The following DPY19L2 variants were observed in gnomAD, a reference collection of about 807,000 sequenced individuals.
DPY19L2 encodes dpy-19 like 2.
DPY19L2 carries 34 observed loss-of-function variants against 97.9 expected under a neutral mutation model. That is an observed-to-expected ratio of 0.35 (90% CI 0.26 to 0.46). DPY19L2 has a LOEUF of 0.46. Among genes scored for constraint, DPY19L2 ranks in the 20% least tolerant of loss-of-function variants. DPY19L2 has a pLI of 1.00. For missense variants in DPY19L2, 623 were observed against 911.4 expected (o/e 0.68, Z 4.07); for synonymous variants, 230 against 307.9 (o/e 0.75, Z 2.65).
chr12:63,568,391 C>T (rs942309453), intron 21 of DPY19L2, among the ~76,000 whole-genome samples: 4 of 151,918 alleles, frequency 2.6e-5, no homozygotes, highest in African/African-American at 7.2e-5. Flanking sequence ...CTCATGGATA[C>T]CATGTTTTCT....
Position 63,668,437 on chromosome 12 carries a change from C to A in DPY19L2, c.-44G>T, listed in dbSNP as rs573439910. On this transcript the variant is annotated 5_prime_UTR_variant, in exon 1 of 22. Transcript: ENST00000324472. ...AGCTGGGTCAATTTCAGGCACAGCC[C>A]AGCCGAGTCAGGCGAGGTCCAGAGA... 6.6e-7 allele frequency: 1 copy of A among 1,517,616 alleles called. No individual in the cohort carries two copies. The highest frequency in any genetic ancestry group is 1.4e-5 in the African/African-American group (1 of 72,828). 94.0% of individuals were successfully genotyped at this position (1,517,616 alleles called of 1,614,324 possible). A position where few individuals can be genotyped will look rare whatever the true frequency, so the allele number is the denominator to read the frequency against.
intron 2 of DPY19L2, among the ~76,000 whole-genome samples, chr12:63,664,861 T>C (rs7980949): frequency 0.37 from 55,799 of 151,798 alleles, 10,892 homozygotes; most frequent in East Asian, 0.72. Flanking sequence ...AGGAATATTC[T>C]CTACCATTGC....
chr12:63,580,839 G>A lies in DPY19L2; in HGVS notation c.1726-3C>T, dbSNP rs1260965391. Reference sequence around the variant, plus strand: ...CTGCGAAAAAGCCAGCCAAAGAGCTGAAACGAAAGAAACCGTTTATTTCTA... The same window carrying A: ...CTGCGAAAAAGCCAGCCAAAGAGCTAAAACGAAAGAAACCGTTTATTTCTA... On this transcript the variant is annotated splice_polypyrimidine_tract_variant and splice_region_variant and intron_variant, in intron 18 of 21. Coordinates refer to ENST00000324472, the MANE Select transcript of DPY19L2 (RefSeq NM_173812.5). 3.7e-6 allele frequency: 6 copies of A among 1,609,598 alleles called. No homozygotes were observed. Among genetic ancestry groups the A allele is most frequent in the Non-Finnish European group, 5.1e-6 (6 of 1,178,474 alleles).
At position 63,596,057 on chromosome 12, in the gene DPY19L2, T is replaced by C. The variant is rs1369592232; in HGVS notation, c.1462-20A>G. On this transcript the variant is annotated intron_variant, in intron 14 of 21. Transcript: ENST00000324472. ...CGGAGTCTGAAATATACCAAATTAT[T>C]CAAAATGGTTACTTACAATTTTTAC... is the stretch of plus-strand genomic sequence containing the variant. 2 of 1,580,712 alleles carry C rather than the reference T, an allele frequency of 1.3e-6. No individual in the cohort carries two copies. Among genetic ancestry groups the C allele is most frequent in the East Asian group, 4.6e-5 (2 of 43,330 alleles).
At chr12:63,662,848 GAT>G (rs1180876786) in intron 3 of DPY19L2, among the ~76,000 whole-genome samples, 1 of 152,122 alleles carries the variant, frequency 6.6e-6, no homozygotes, top group African/African-American at 2.4e-5. Context: ...GCAATATAGG[GAT>G]GAAAATTAAA....
chr12:63,634,031 G>A (rs758525828), intron 6 of DPY19L2, among the ~76,000 whole-genome samples: 2 of 151,696 alleles, frequency 1.3e-5, no homozygotes, highest in Non-Finnish European at 2.9e-5. Context: ...CATGGACACA[G>A]GAAGGGGAAC....
chr12:63,620,558 A>G (rs571747635), intron 9 of DPY19L2, among the ~76,000 whole-genome samples: 68 of 152,326 alleles, frequency 4.5e-4, no homozygotes, highest in African/African-American at 1.6e-3. Flanking sequence ...TAACCAATAC[A>G]GTAAAAGAAT....
chr12:63,623,935 C>G, intron 8 of DPY19L2, 105 bp downstream of exon 8: 2 of 818,982 alleles, frequency 2.4e-6, no homozygotes, highest in South Asian at 1.5e-5. Context: ...AACTCCTGAC[C>G]TCAAGTGATC....
At chr12:63,574,048 T>TA (rs1879373022) in intron 19 of DPY19L2, among the ~76,000 whole-genome samples, 1 of 151,986 alleles carries the variant, frequency 6.6e-6, no homozygotes. Context: ...GTCATTATGG[T>TA]ATATAAACTA....
chr12:63,650,091 C>T (rs2138186465), intron 4 of DPY19L2, among the ~76,000 whole-genome samples: 1 of 152,174 alleles, frequency 6.6e-6, no homozygotes, highest in South Asian at 2.1e-4. Context: ...TAAATAGATG[C>T]AGAAAAGACT....
intron 16 of DPY19L2, among the ~76,000 whole-genome samples, chr12:63,591,957 A>AGGGG (rs1325982148): frequency 9.3e-6 from 1 of 107,428 alleles, no homozygotes; most frequent in African/African-American, 4.0e-5. Flanking sequence ...AAAAGAAAAG[A>AGGGG]AAAGAAAAGA....
intron 7 of DPY19L2, among the ~76,000 whole-genome samples, chr12:63,624,405 G>C (rs972447463): frequency 2.0e-5 from 3 of 152,016 alleles, no homozygotes; most frequent in African/African-American, 7.2e-5. Context: ...TATAAGAGTT[G>C]TGAAAATTCT....
chr12:63,598,947 C>T (rs1215903370), intron 13 of DPY19L2, among the ~76,000 whole-genome samples: 8 of 151,074 alleles, frequency 5.3e-5, no homozygotes, highest in South Asian at 2.1e-4. Flanking sequence ...CCCAGGCAGG[C>T]GGATCACTTG....
chr12:63,666,534 T>C (rs1896360700), intron 1 of DPY19L2: 1 of 446,976 alleles, frequency 2.2e-6, no homozygotes, highest in Non-Finnish European at 4.5e-6. Flanking sequence ...CTGTGCCCGT[T>C]TGGTTGGGGA....
intron 6 of DPY19L2, among the ~76,000 whole-genome samples, chr12:63,637,103 A>C (rs1565817015): frequency 6.6e-6 from 1 of 152,204 alleles, no homozygotes; most frequent in Non-Finnish European, 1.5e-5. Flanking sequence ...TCATAGGGCA[A>C]TCAAACTAGA....
intron 3 of DPY19L2, among the ~76,000 whole-genome samples, chr12:63,663,215 C>A (rs575814483): frequency 3.3e-5 from 5 of 152,202 alleles, no homozygotes. Context: ...TGTAAAATTG[C>A]GCAATTTTGG....
chr12:63,620,117 T>C (rs868607523), intron 9 of DPY19L2: 12 of 339,910 alleles, frequency 3.5e-5, no homozygotes, highest in South Asian at 6.8e-5. Context: ...ATTTGTTATG[T>C]AGGAAGGAGC....
chr12:63,619,949 G>A (rs1433286200), intron 9 of DPY19L2: 4 of 455,860 alleles, frequency 8.8e-6, no homozygotes, highest in African/African-American at 8.0e-5. Flanking sequence ...TAACCTGAAA[G>A]GGGCCAACTT....
chr12:63,591,940 T>TGAAAAGAAAAGAAAAGAAAAGAAAA (rs371807048), intron 16 of DPY19L2, among the ~76,000 whole-genome samples: 31 of 62,144 alleles, frequency 5.0e-4, no homozygotes, highest in African/African-American at 2.7e-3. Context: ...CAAGACTCTG[T>TGAAAAGAAAAGAAAAGAAAAGAAAA]GAAAAGAAAA....
Sources: gnomAD v4.1 joint callset for allele counts (sites outside exome capture counted in the v4.1 genomes callset) on GRCh38, gnomAD v4.1.1 for gene constraint, MANE v1.5 for transcripts, NCBI Gene and HGNC (gene_info 2026-07-23, HGNC 2026-07-21) for gene names.